SPTBN1: variants seen among roughly 807,000 people sequenced by gnomAD.
SPTBN1 encodes the protein spectrin beta, non-erythrocytic 1, also known as spectrin beta chain, non-erythrocytic 1.
Under a neutral mutation model 266.4 loss-of-function variants are expected in SPTBN1, and 32 were observed. The ratio of observed to expected loss-of-function variants is 0.12; its 90% CI spans 0.09 to 0.16. The LOEUF is 0.16. Ranked by LOEUF, SPTBN1 falls within the 10% of genes least tolerant of loss-of-function variation. The probability of loss-of-function intolerance (pLI) is 1.00; values close to 1 mark genes in which losing one functional copy is unlikely to be tolerated. For synonymous variants in SPTBN1, 1,336 were observed against 1,162.2 expected, an observed-to-expected ratio of 1.15 and a Z score of -3.04; for missense variants, 2,296 against 3,067.1, an observed-to-expected ratio of 0.75 and a Z score of 5.94.
At chr2:54,469,616 G>A (rs1265484869) in intron 1 of SPTBN1, among the ~76,000 whole-genome samples, 2 of 152,210 alleles carry the variant, frequency 1.3e-5, no homozygotes, top group African/African-American at 2.4e-5. Flanking sequence ...AGCTGCAAAT[G>A]TTAGGTCTTG....
intron 1 of SPTBN1, among the ~76,000 whole-genome samples, chr2:54,493,920 A>G (rs1668824111): frequency 6.6e-6 from 1 of 152,208 alleles, no homozygotes; most frequent in African/African-American, 2.4e-5. Flanking sequence ...AACTTCCCCA[A>G]AGTCACGTGA....
In SPTBN1 at chr2:54,626,239, A is replaced by G. The variant is rs1391215306; in HGVS notation, c.1644+5A>G. The G allele has an allele frequency of 6.2e-7, 1 of 1,609,898 alleles. No homozygotes were observed. The highest frequency in any genetic ancestry group is 1.3e-5 in the African/African-American group (1 of 74,884). On this transcript the variant is annotated splice_donor_5th_base_variant and intron_variant, in intron 12 of 35. Coordinates refer to ENST00000356805, the MANE Select transcript of SPTBN1 (RefSeq NM_003128.3). The surrounding 1 kb of genome is among the most constrained non-coding windows in gnomAD (Gnocchi z 4.7). The stretch of plus-strand genomic sequence containing the variant: ...GACTGGATGGATGAAATGAAGGTAA[A>G]ACCTGACCGAAAGGAAGGACGACAG...
chr2:54,655,246 CAA>C (rs1558475174), intron 28 of SPTBN1, 38 bp downstream of exon 28: 1 of 1,604,940 alleles, frequency 6.2e-7, no homozygotes, highest in Non-Finnish European at 8.5e-7. Flanking sequence ...CAGCTGGCGT[CAA>C]GATGTAAAAT....
intron 1 of SPTBN1, among the ~76,000 whole-genome samples, chr2:54,492,733 A>G (rs1668757273): frequency 6.6e-6 from 1 of 152,222 alleles, no homozygotes; most frequent in South Asian, 2.1e-4. Context: ...AGCCTGATGT[A>G]GAAATGTAAT....
chr2:54,631,664 C>T (rs1334274395), intron 16 of SPTBN1, 53 bp downstream of exon 16: 9 of 1,562,962 alleles, frequency 5.8e-6, no homozygotes, highest in African/African-American at 4.1e-5. Context: ...CCCTGGCTGC[C>T]TTTTGAAATG....
chr2:54,660,500 C>T, intron 32 of SPTBN1: 1 of 987,026 alleles, frequency 1.0e-6, no homozygotes, highest in South Asian at 4.7e-5. Context: ...TTACTATTAA[C>T]TAGGAAGACT....
intron 2 of SPTBN1, among the ~76,000 whole-genome samples, chr2:54,538,873 C>T (rs910548109): frequency 6.6e-6 from 1 of 152,170 alleles, no homozygotes; most frequent in African/African-American, 2.4e-5. Flanking sequence ...AGATGCCGGG[C>T]CATTTGCGGG....
chr2:54,626,108 C>T lies in SPTBN1; in HGVS notation c.1518C>T (p.Val506=), dbSNP rs756596488. 2 of 1,614,218 alleles carry T rather than the reference C, an allele frequency of 1.2e-6. No homozygotes were observed. Among genetic ancestry groups the T allele is most frequent in the South Asian group, 1.1e-5 (1 of 91,082 alleles). ...IKRITARKDN[V]IRLWEYLLEL... ...GCATCACAGCGAGGAAGGACAATGT[C>T]ATCCGGCTCTGGGAATACCTACTGG... Residue 506 remains valine, a synonymous_variant, in exon 12 of 36, where the codon GTC becomes GTT. Coordinates refer to ENST00000356805, the MANE Select transcript of SPTBN1 (RefSeq NM_003128.3). The surrounding 1 kb of genome is among the most constrained non-coding windows in gnomAD (Gnocchi z 4.7).
At chr2:54,538,185 A>G (rs1237710582) in intron 2 of SPTBN1, among the ~76,000 whole-genome samples, 1 of 152,260 alleles carries the variant, frequency 6.6e-6, no homozygotes, top group Non-Finnish European at 1.5e-5. Context: ...AAACAAAATT[A>G]ACAAAGAGAA....
chr2:54,544,498 G>C (rs930874757), intron 2 of SPTBN1, among the ~76,000 whole-genome samples: 1 of 152,228 alleles, frequency 6.6e-6, no homozygotes, highest in Admixed American at 6.5e-5. Context: ...TAAACTTAAC[G>C]AAAAGGTTTA....
intron 6 of SPTBN1, among the ~76,000 whole-genome samples, 171 bp downstream of exon 6, chr2:54,617,859 A>T (rs1677714659): frequency 6.6e-6 from 1 of 152,242 alleles, no homozygotes; most frequent in African/African-American, 2.4e-5. Flanking sequence ...TTCCAAACAG[A>T]ATAAACAGGT....
chr2:54,610,225 T>C (rs1677121317), intron 3 of SPTBN1, among the ~76,000 whole-genome samples: 1 of 152,232 alleles, frequency 6.6e-6, no homozygotes. Context: ...CTTTCCTGGT[T>C]CTGAGGGCTA....
intron 1 of SPTBN1, among the ~76,000 whole-genome samples, chr2:54,486,978 A>T (rs1194387771): frequency 6.6e-6 from 1 of 152,108 alleles, no homozygotes; most frequent in Non-Finnish European, 1.5e-5. Context: ...ATCATTTATC[A>T]AACGGCGCTG....
intron 2 of SPTBN1, among the ~76,000 whole-genome samples, chr2:54,596,900 G>T (rs189564896): frequency 6.6e-6 from 1 of 152,180 alleles, no homozygotes; most frequent in African/African-American, 2.4e-5. Context: ...TATATTGACT[G>T]TTGTTTCTGG....
At chr2:54,594,235 G>A (rs1045381472) in intron 2 of SPTBN1, among the ~76,000 whole-genome samples, 4 of 129,214 alleles carry the variant, frequency 3.1e-5, no homozygotes, top group Non-Finnish European at 4.7e-5. Context: ...GCCTCATGGG[G>A]CAGTTGTGGG....
chr2:54,584,233 A>G (rs1371260169), intron 2 of SPTBN1, among the ~76,000 whole-genome samples: 2 of 152,180 alleles, frequency 1.3e-5, no homozygotes, highest in Admixed American at 6.5e-5. Context: ...TAATGCATAC[A>G]TATTATTTTA....
At chr2:54,580,758 A>G (rs981927510) in intron 2 of SPTBN1, among the ~76,000 whole-genome samples, 1 of 152,178 alleles carries the variant, frequency 6.6e-6, no homozygotes. Flanking sequence ...AGAGACACAC[A>G]TAACCAAAAA....
intron 1 of SPTBN1, among the ~76,000 whole-genome samples, chr2:54,491,071 G>T (rs779386488): frequency 1.3e-5 from 2 of 152,118 alleles, no homozygotes; most frequent in Non-Finnish European, 2.9e-5. Context: ...GATTTCAGTT[G>T]GGCAAAATTC....
chr2:54,627,598 A>G (rs1051214811), intron 12 of SPTBN1, among the ~76,000 whole-genome samples: 1 of 152,244 alleles, frequency 6.6e-6, no homozygotes, highest in African/African-American at 2.4e-5. Flanking sequence ...AGCTCCTAAC[A>G]GAGGAAAAAC....
Sources: allele counts gnomAD v4.1 joint callset (sites outside exome capture counted in the v4.1 genomes callset), GRCh38; gene constraint gnomAD v4.1.1; non-coding constraint Gnocchi (gnomAD v3.1); transcripts MANE v1.5; gene names NCBI Gene and HGNC (gene_info 2026-07-23, HGNC 2026-07-21).